Variants in ZNF662 observed in about 807,000 individuals in gnomAD.
The protein encoded by ZNF662 is zinc finger protein 662.
ZNF662 carries 14 observed loss-of-function variants against 12.4 expected under a neutral mutation model. The observed-to-expected ratio is 1.13, with a 90% CI of 0.75 to 1.77. The LOEUF is 1.77. Ranked by LOEUF, ZNF662 falls within the 40% of genes most tolerant of loss-of-function variation. ZNF662 has a pLI of 0.00. For missense variants in ZNF662, 550 were observed against 515.6 expected (o/e 1.07, Z -0.65); for synonymous variants, 184 against 176.4 (o/e 1.04, Z -0.34).
At chr3:42,908,184 T>C in intron 2 of ZNF662, 36 bp downstream of exon 2, 1 of 1,582,718 alleles carries the variant, frequency 6.3e-7, no homozygotes, top group South Asian at 1.1e-5. Context: ...GCCTCCACCC[T>C]TGAGAGTTTG....
rs944354781 is a variant in ZNF662, at chr3:42,915,491, C to T, written c.*137C>T. On this transcript the variant is annotated 3_prime_UTR_variant, in exon 5 of 5. Coordinates refer to ENST00000440367, the MANE Select transcript of ZNF662 (RefSeq NM_207404.4). ...TTATCTTGCCCTTTTGAACATTTACCATGTACTCTAGCAAGACTGGTCCCT... is the reference window on the plus strand; with the variant it reads ...TTATCTTGCCCTTTTGAACATTTACTATGTACTCTAGCAAGACTGGTCCCT... The T allele has an allele frequency of 2.7e-5, 22 of 816,622 alleles. No individual in the cohort carries two copies. The highest frequency in any genetic ancestry group is 2.7e-4 in the Middle Eastern group (1 of 3,770). The allele number at this position is 816,622 out of a possible 1,614,324, so 50.6% of individuals were successfully genotyped here. A position where few individuals can be genotyped will look rare whatever the true frequency, so the allele number is the denominator to read the frequency against.
chr3:42,914,454 A>T lies in ZNF662; in HGVS notation c.381A>T (p.Lys127Asn), dbSNP rs1296657776. 3 of 1,613,894 alleles carry T rather than the reference A, an allele frequency of 1.9e-6. No homozygotes were observed. Among genetic ancestry groups the T allele is most frequent in the Non-Finnish European group, 2.5e-6 (3 of 1,179,992 alleles). Residue 127 changes from lysine to asparagine, a missense_variant, in exon 5 of 5, where the codon AAA (lysine) becomes AAT (asparagine). Transcript: ENST00000440367. ...WCGSQELWFG[K>N]TCEEKSRLGR... ...GATCCCAGGAATTATGGTTTGGGAA[A>T]ACCTGTGAAGAGAAAAGCAGGTTAG...
At position 42,908,345 on chromosome 3, in the gene ZNF662, T is replaced by C. The variant is rs1575408342; in HGVS notation, c.34+197T>C. The stretch of plus-strand genomic sequence containing the variant: ...AGTTTGGGCCTTATACAGGACTTCC[T>C]TGCTCCAGAGTGAGAGGTGCCAAAC... On this transcript the variant is annotated intron_variant, in intron 2 of 4. Transcript: ENST00000440367. 4 of 1,365,274 alleles carry C rather than the reference T, an allele frequency of 2.9e-6. No individual in the cohort carries two copies. The East Asian group carries it at 1.0e-4, about 35-fold the overall frequency. The allele number at this position is 1,365,274 out of a possible 1,614,324, so 84.6% of individuals were successfully genotyped here. A position where few individuals can be genotyped will look rare whatever the true frequency, so the allele number is the denominator to read the frequency against.
chr3:42,914,464 G>C lies in ZNF662; in HGVS notation c.391G>C (p.Glu131Gln). The C allele has an allele frequency of 6.2e-7, 1 of 1,614,058 alleles. No homozygotes were observed. The highest frequency in any genetic ancestry group is 8.5e-7 in the Non-Finnish European group (1 of 1,180,024). Residue 131 changes from glutamate (E) to glutamine (Q), a missense_variant, in exon 5 of 5, where the codon GAG (glutamate) becomes CAG (glutamine). Coordinates refer to ENST00000440367, the MANE Select transcript of ZNF662 (RefSeq NM_207404.4). The part of the protein sequence containing the change: ...QELWFGKTCE[E>Q]KSRLGRWPGY... ...ATTATGGTTTGGGAAAACCTGTGAA[G>C]AGAAAAGCAGGTTAGGGAGATGGCC...
At chr3:42,908,450 C>G in intron 2 of ZNF662, 2 of 1,242,724 alleles carry the variant, frequency 1.6e-6, no homozygotes, top group Non-Finnish European at 2.0e-6. Context: ...CCTCCCCTCT[C>G]GGTTTGCAAG....
Position 42,915,053 on chromosome 3 carries a change from C to T in ZNF662, c.980C>T (p.Thr327Ile). The T allele has an allele frequency of 6.2e-7, 1 of 1,613,944 alleles. No homozygotes were observed. The highest frequency in any genetic ancestry group is 1.1e-5 in the South Asian group (1 of 91,060). The stretch of plus-strand genomic sequence containing the variant: ...CTTCTTCGACATCAGAGAATGCACA[C>T]TGGGGAGAAGCCTTACGAATGTAAG... ...PALLRHQRMH[T>I]GEKPYECKDC... Residue 327 changes from threonine (T) to isoleucine (I), a missense_variant, in exon 5 of 5, where the codon ACT becomes ATT. By Grantham distance (89) the Thr-to-Ile change is moderately conservative. Coordinates refer to ENST00000440367, the MANE Select transcript of ZNF662 (RefSeq NM_207404.4).
rs1015427782 is a variant in ZNF662 at position 42,918,160 on chromosome 3, G to T, written c.*2806G>T. On this transcript the variant is annotated 3_prime_UTR_variant, in exon 5 of 5. Transcript: ENST00000440367. ...TCTCATGACCTAAGGTTAATTTCAT[G>T]CATACTACTAAGTGATGCTTTAAGT... 6.6e-6 allele frequency among the ~76,000 whole-genome samples: 1 copy of T among 152,200 alleles called. No homozygotes were observed. Among genetic ancestry groups the T allele is most frequent in the African/African-American group, 2.4e-5 (1 of 41,450 alleles).
rs11129988 is a variant in ZNF662, at chr3:42,914,106, G to T, written c.254-221G>T. On this transcript the variant is annotated intron_variant, in intron 4 of 4. Coordinates refer to ENST00000440367, the MANE Select transcript of ZNF662 (RefSeq NM_207404.4). ...GAGAGCCTACCCTGGTCCTTGGTTT[G>T]GTGCCAGGAATCATAGCCCGCAGGG... Among the ~76,000 whole-genome samples the T allele has an allele frequency of 0.73, 108,660 of 148,222 alleles. 40,924 individuals are homozygous for T. Among genetic ancestry groups the T allele is most frequent in the East Asian group, 0.97 (4,895 of 5,068 alleles).
chr3:42,908,533 G>T, intron 2 of ZNF662: 2 of 1,304,086 alleles, frequency 1.5e-6, no homozygotes, highest in Non-Finnish European at 2.0e-6. Flanking sequence ...GGACAGGTAA[G>T]AATTGAGGAC....
intron 3 of ZNF662, among the ~76,000 whole-genome samples, chr3:42,909,158 G>T: frequency 6.6e-6 from 1 of 152,168 alleles, no homozygotes. Flanking sequence ...GGGAAGGTCA[G>T]CAGATAAACA....
chr3:42,909,966 G>A (rs370578742), intron 3 of ZNF662, among the ~76,000 whole-genome samples: 7 of 152,192 alleles, frequency 4.6e-5, no homozygotes, highest in African/African-American at 1.7e-4. Flanking sequence ...CCGGGCAGAC[G>A]CTGCAATCTC....
At chr3:42,914,011 A>G (rs571207020) in intron 4 of ZNF662, among the ~76,000 whole-genome samples, 1 of 151,962 alleles carries the variant, frequency 6.6e-6, no homozygotes, top group East Asian at 1.9e-4. Flanking sequence ...TTCTCATGGT[A>G]TAAACTGTAC....
chr3:42,915,540 G>T lies in ZNF662; in HGVS notation c.*186G>T. ...CTCTGTTCTATGATGTTTTAACAAG[G>T]CATCATTTAGTTGGGCAGCTACTCT... On this transcript the variant is annotated 3_prime_UTR_variant, in exon 5 of 5. Coordinates refer to ENST00000440367, the MANE Select transcript of ZNF662 (RefSeq NM_207404.4). The T allele has an allele frequency of 1.8e-6, 1 of 567,422 alleles. No homozygotes were observed. Among genetic ancestry groups the T allele is most frequent in the Non-Finnish European group, 3.0e-6 (1 of 335,684 alleles). 35.1% of individuals were successfully genotyped at this position (567,422 alleles called of 1,614,324 possible).
intron 3 of ZNF662, among the ~76,000 whole-genome samples, chr3:42,912,696 T>TTTA (rs1553609519): frequency 0.39 from 16,318 of 41,502 alleles, 3,159 homozygotes; most frequent in East Asian, 0.68. Context: ...TATATATATT[T>TTTA]TATATATATA....
chr3:42,910,122 T>C (rs1391004155), intron 3 of ZNF662, among the ~76,000 whole-genome samples: 1 of 152,138 alleles, frequency 6.6e-6, no homozygotes, highest in East Asian at 1.9e-4. Flanking sequence ...AGGCCAAGGC[T>C]GGCAGATCAC....
chr3:42,917,700 G>A lies in ZNF662; in HGVS notation c.*2346G>A, dbSNP rs1485339554. 1 of 618,150 alleles carries A rather than the reference G, an allele frequency of 1.6e-6. No individual in the cohort carries two copies. Among genetic ancestry groups the A allele is most frequent in the Non-Finnish European group, 2.9e-6 (1 of 349,060 alleles). The allele number at this position is 618,150 out of a possible 1,614,324, so 38.3% of individuals were successfully genotyped here. On this transcript the variant is annotated 3_prime_UTR_variant, in exon 5 of 5. Transcript: ENST00000440367. ...GCCACACTAATACTGTTTTGTGTTT[G>A]AAATCACTGTTTTCTCATACAGCTC...
At chr3:42,908,942 C>T (rs765179914) in intron 3 of ZNF662, 33 bp downstream of exon 3, 8 of 1,479,144 alleles carry the variant, frequency 5.4e-6, no homozygotes, top group Middle Eastern at 1.7e-4. Flanking sequence ...GTCATCTGAC[C>T]AGTTTTCTTG....
Position 42,915,151 on chromosome 3 carries a change from C to T in ZNF662, c.1078C>T (p.His360Tyr). 6.2e-7 allele frequency: 1 copy of T among 1,614,072 alleles called. No individual in the cohort carries two copies. The highest frequency in any genetic ancestry group is 8.5e-7 in the Non-Finnish European group (1 of 1,180,012). Residue 360 changes from histidine to tyrosine, a missense_variant, in exon 5 of 5, where the codon CAT (histidine) becomes TAT (tyrosine). Coordinates refer to ENST00000440367, the MANE Select transcript of ZNF662 (RefSeq NM_207404.4). ...GAGGGTCCACACTGGGGACAAGCCTCATGAATGTACTGACTGTGGGAAAAG... is the reference window on the plus strand; with the variant it reads ...GAGGGTCCACACTGGGGACAAGCCTTATGAATGTACTGACTGTGGGAAAAG... ...HQRVHTGDKP[H>Y]ECTDCGKSFF... is the part of the protein sequence containing the mutation.
intron 2 of ZNF662, 84 bp from the exon 3 acceptor site, chr3:42,908,709 C>G (rs950320189): frequency 6.6e-7 from 1 of 1,509,626 alleles, no homozygotes; most frequent in Non-Finnish European, 9.1e-7. Flanking sequence ...CCCTCCTACC[C>G]CTGAAGACAC....
Sources: allele counts gnomAD v4.1 joint callset (sites outside exome capture counted in the v4.1 genomes callset), GRCh38; gene constraint gnomAD v4.1.1; transcripts MANE v1.5; gene names NCBI Gene and HGNC (gene_info 2026-07-23, HGNC 2026-07-21).